The following PRPF40B variants were observed in gnomAD, a reference collection of about 807,000 sequenced individuals.
PRPF40B encodes pre-mRNA-processing factor 40 homolog B.
Under a neutral mutation model 124.5 loss-of-function variants are expected in PRPF40B, and 56 were observed. The ratio of observed to expected loss-of-function variants is 0.45; its 90% CI spans 0.36 to 0.56. PRPF40B has a LOEUF of 0.56. Among genes scored for constraint, PRPF40B ranks in the 20% least tolerant of loss-of-function variants. The pLI is 0.00. For synonymous variants in PRPF40B, 443 were observed against 426.4 expected, an observed-to-expected ratio of 1.04 and a Z score of -0.48; for missense variants, 1,053 against 1,169.5, an observed-to-expected ratio of 0.90 and a Z score of 1.45.
intron 7 of PRPF40B, 84 bp from the exon 8 acceptor site, chr12:49,633,343 C>A (rs1941426233): frequency 6.4e-7 from 1 of 1,570,820 alleles, no homozygotes; most frequent in African/African-American, 1.4e-5. Flanking sequence ...CCTGTGTCCT[C>A]TACTCACTAG....
At chr12:49,641,860 G>C (rs1565848846) in intron 18 of PRPF40B, 48 bp from the exon 19 acceptor site, 16 of 1,523,682 alleles carry the variant, frequency 1.1e-5, no homozygotes, top group Admixed American at 3.3e-5. Flanking sequence ...TGCCAGCTTT[G>C]GCCTCAGGCA....
intron 1 of PRPF40B, among the ~76,000 whole-genome samples, chr12:49,625,866 G>T (rs1257186656): frequency 6.6e-6 from 1 of 152,224 alleles, no homozygotes; most frequent in East Asian, 1.9e-4. Context: ...GAGGGACGGG[G>T]TGTTTCAGGA....
chr12:49,623,791 C>A, intron 1 of PRPF40B, 198 bp downstream of exon 1: 2 of 1,151,010 alleles, frequency 1.7e-6, no homozygotes, highest in Non-Finnish European at 2.1e-6. Flanking sequence ...GCGGGGGAGG[C>A]CATGATGGAG....
At chr12:49,639,691 AAAAG>A (rs1162376280) in intron 18 of PRPF40B, 2 of 152,228 alleles carry the variant, frequency 1.3e-5, no homozygotes, top group Non-Finnish European at 2.9e-5. Context: ...GTTTAAAAAA[AAAAG>A]GGAGAATTCA....
chr12:49,626,295 A>G (rs1393290919), intron 1 of PRPF40B, among the ~76,000 whole-genome samples: 1 of 152,222 alleles, frequency 6.6e-6, no homozygotes, highest in Non-Finnish European at 1.5e-5. Context: ...GCCCTGACTA[A>G]ACACTTGGGG....
chr12:49,632,996 G>GGGGGGCCCC lies in PRPF40B; in HGVS notation c.349-18_349-17insGGGGGCCCC. The GGGGGGCCCC allele has an allele frequency of 2.6e-6, 3 of 1,147,394 alleles. No homozygotes were observed. The highest frequency in any genetic ancestry group is 3.6e-6 in the Non-Finnish European group (3 of 823,008). 71.1% of individuals were successfully genotyped at this position (1,147,394 alleles called of 1,614,324 possible). Reference sequence around the variant, plus strand: ...AAAGGGGCCTTGACCACCATTCTGTGCCCCCCCCCCCACCCAGAGGGCCCT... The same window carrying GGGGGGCCCC: ...AAAGGGGCCTTGACCACCATTCTGTGGGGGGCCCCCCCCCCCCCCCACCCAGAGGGCCCT... On this transcript the variant is annotated splice_polypyrimidine_tract_variant and intron_variant, in intron 6 of 25. Transcript: ENST00000548825.
intron 18 of PRPF40B, 151 bp downstream of exon 18, chr12:49,637,975 G>A: frequency 1.6e-6 from 1 of 625,588 alleles, no homozygotes; most frequent in Non-Finnish European, 2.8e-6. Flanking sequence ...TAGGGATACA[G>A]TAATGAATAC....
At position 49,635,800 on chromosome 12, in the gene PRPF40B, G is replaced by T. The variant is rs376322454; in HGVS notation, c.1276-43G>T. ...TCCTCTGCCCAGGCCTACTTGGGTA[G>T]CTCTGGCCTGCCCTGCCTCACCCTG... On this transcript the variant is annotated intron_variant, in intron 14 of 25. Transcript: ENST00000548825. This position sits in a 1 kb window ranked among gnomAD's most constrained non-coding sequence, Gnocchi z 4.1. 1 of 1,607,882 alleles carries T rather than the reference G, an allele frequency of 6.2e-7. No individual in the cohort carries two copies. The highest frequency in any genetic ancestry group is 8.5e-7 in the Non-Finnish European group (1 of 1,176,862).
intron 18 of PRPF40B, 57 bp downstream of exon 18, chr12:49,637,881 C>T (rs1942064503): frequency 7.1e-7 from 1 of 1,401,238 alleles, no homozygotes; most frequent in Admixed American, 1.8e-5. Context: ...ACACTCCCTG[C>T]AGAGGACTCC....
chr12:49,627,412 T>C (rs1168454179), intron 1 of PRPF40B, among the ~76,000 whole-genome samples: 1 of 152,134 alleles, frequency 6.6e-6, no homozygotes, highest in Non-Finnish European at 1.5e-5. Flanking sequence ...GGGCTCTGAC[T>C]AGTTCAGGGA....
chr12:49,637,937 A>ATATC (rs1942073434), intron 18 of PRPF40B, 113 bp downstream of exon 18: 3 of 813,498 alleles, frequency 3.7e-6, no homozygotes, highest in Non-Finnish European at 6.1e-6. Context: ...GGTTCAGCAG[A>ATATC]TATCTACTGT....
At chr12:49,634,272 A>G in intron 10 of PRPF40B, 60 bp from the exon 11 acceptor site, 1 of 1,612,202 alleles carries the variant, frequency 6.2e-7, no homozygotes, top group Admixed American at 1.7e-5. Flanking sequence ...CCAGGAGTTC[A>G]GGGCACTGAA....
At chr12:49,643,149 T>G (rs1942892714) in intron 22 of PRPF40B, 74 bp from the exon 23 acceptor site, 2 of 1,595,314 alleles carry the variant, frequency 1.3e-6, no homozygotes, top group African/African-American at 2.7e-5. Context: ...CCTCCTCCTC[T>G]CTCGAATTCC....
chr12:49,637,891 C>T lies in PRPF40B; in HGVS notation c.1767+67C>T. On this transcript the variant is annotated intron_variant, in intron 18 of 25. Coordinates refer to ENST00000548825, the MANE Select transcript of PRPF40B (RefSeq NM_001031698.3). ...AGGGCACACTCCCTGCAGAGGACTC[C>T]CTGATAAGTCCTGTTTTGCAGAAGC... The T allele has an allele frequency of 3.1e-6, 4 of 1,283,882 alleles. No homozygotes were observed. In the South Asian group the frequency reaches 5.0e-5, roughly 16 times the overall value. The allele number at this position is 1,283,882 out of a possible 1,614,324, so 79.5% of individuals were successfully genotyped here.
chr12:49,630,042 G>A (rs1941074063), intron 1 of PRPF40B, among the ~76,000 whole-genome samples: 1 of 152,230 alleles, frequency 6.6e-6, no homozygotes, highest in East Asian at 1.9e-4. Flanking sequence ...AGGGAGACAA[G>A]CATTTTAAAG....
At chr12:49,623,772 G>A in intron 1 of PRPF40B, 179 bp downstream of exon 1, 2 of 1,193,716 alleles carry the variant, frequency 1.7e-6, no homozygotes, top group Non-Finnish European at 2.1e-6. Context: ...GGGGACTGGG[G>A]GCGAAGGGGC....
At position 49,643,990 on chromosome 12, in the gene PRPF40B, A is replaced by G. The variant is rs1181301180; in HGVS notation, c.2572A>G (p.Ile858Val). Residue 858 changes from isoleucine (I) to valine (V), a missense_variant, in exon 25 of 26, where the codon ATC (isoleucine) becomes GTC (valine). Coordinates refer to ENST00000548825, the MANE Select transcript of PRPF40B (RefSeq NM_001031698.3). ...CCCTAACCGTTCCCCAGGCTTTGGA[A>G]TCAAGAAGGAGAAGGTGAGGGGCAG... ...ELPNRSPGFGIKKEKTGWDTS... is the reference protein window; with the variant it reads ...ELPNRSPGFGVKKEKTGWDTS... 17 of 1,614,062 alleles carry G rather than the reference A, an allele frequency of 1.1e-5. No homozygotes were observed. The highest frequency in any genetic ancestry group is 1.4e-5 in the Non-Finnish European group (17 of 1,180,034).
chr12:49,642,559 G>A lies in PRPF40B; in HGVS notation c.2023-21G>A. On this transcript the variant is annotated intron_variant, in intron 20 of 25. Transcript: ENST00000548825. This position sits in a 1 kb window ranked among gnomAD's most constrained non-coding sequence, Gnocchi z 5.8. The stretch of plus-strand genomic sequence containing the variant: ...GGCTGAGTGGGGCCTAGTCTGATCA[G>A]CAGTGCTCTCCTCGTTCAAGGTCCG... 1.9e-6 allele frequency: 3 copies of A among 1,613,538 alleles called. No individual in the cohort carries two copies. Among genetic ancestry groups the A allele is most frequent in the Non-Finnish European group, 2.5e-6 (3 of 1,179,466 alleles).
chr12:49,627,081 A>G (rs1316944786), intron 1 of PRPF40B, among the ~76,000 whole-genome samples: 1 of 152,206 alleles, frequency 6.6e-6, no homozygotes, highest in Non-Finnish European at 1.5e-5. Flanking sequence ...GTTTGTACCC[A>G]TAGATGGTGG....
Sources: allele counts gnomAD v4.1 joint callset (sites outside exome capture counted in the v4.1 genomes callset), GRCh38; gene constraint gnomAD v4.1.1; non-coding constraint Gnocchi (gnomAD v3.1); transcripts MANE v1.5; gene names NCBI Gene and HGNC (gene_info 2026-07-23, HGNC 2026-07-21).